The following BIRC3 variants were observed in gnomAD, a reference collection of about 807,000 sequenced individuals.
The protein encoded by BIRC3 is baculoviral IAP repeat containing 3.
In BIRC3, 26 loss-of-function variants were observed where a neutral mutation model predicts 59.0. The observed-to-expected ratio is 0.44, with a 90% CI of 0.32 to 0.61. The LOEUF is 0.61. BIRC3 is among the 20% of genes least tolerant of loss of function. BIRC3 has a pLI of 0.04. For synonymous variants in BIRC3, 243 were observed against 249.2 expected (o/e 0.98, Z 0.24); for missense variants, 641 against 711.5 (o/e 0.90, Z 1.13).
At chr11:102,330,934 C>T in intron 5 of BIRC3, 65 bp from the exon 6 acceptor site, 1 of 1,446,192 alleles carries the variant, frequency 6.9e-7, no homozygotes. Flanking sequence ...GATTTCATTT[C>T]AAATTTCAAT....
chr11:102,323,370 T>G lies in BIRC3; in HGVS notation c.-1140T>G. On this transcript the variant is annotated 5_prime_UTR_variant, in exon 2 of 9. Coordinates refer to ENST00000263464, the MANE Select transcript of BIRC3 (RefSeq NM_001165.5). ...TGGTAGTTTGGGCAGAGTCTCTTTT[T>G]GCAGCACCTGTTGTCTACCATAATT... The G allele has an allele frequency of 5.2e-6, 1 of 193,576 alleles. No individual in the cohort carries two copies. Among genetic ancestry groups the G allele is most frequent in the East Asian group, 8.1e-5 (1 of 12,282 alleles). 12.0% of individuals were successfully genotyped at this position (193,576 alleles called of 1,614,324 possible). A position where few individuals can be genotyped will look rare whatever the true frequency, so the allele number is the denominator to read the frequency against.
At chr11:102,326,012 A>G (rs1403750439) in intron 3 of BIRC3, among the ~76,000 whole-genome samples, 2 of 152,150 alleles carry the variant, frequency 1.3e-5, no homozygotes, top group East Asian at 3.8e-4. Flanking sequence ...ACCATTTTAC[A>G]TAAGTTAAAT....
rs147320536 is a variant in BIRC3 at position 102,328,081 on chromosome 11, A to G, written c.983A>G (p.Gln328Arg). The G allele has an allele frequency of 1.9e-6, 3 of 1,609,960 alleles. No individual in the cohort carries two copies. Among genetic ancestry groups the G allele is most frequent in the Non-Finnish European group, 2.5e-6 (3 of 1,178,740 alleles). The change falls in exon 4 of 9, where the codon CAG becomes CGG. Residue 328 changes from glutamine to arginine, a missense_variant. Gln to Arg is a conservative substitution (Grantham distance 43). Transcript: ENST00000263464. ...RCEYLIRIKG[Q>R]EFIRQVQASY... is the part of the protein sequence containing the mutation. Reference sequence around the variant, plus strand: ...GAGTACTTGATAAGAATTAAAGGACAGGAGTTCATCCGTCAAGTTCAAGCC... The same window carrying G: ...GAGTACTTGATAAGAATTAAAGGACGGGAGTTCATCCGTCAAGTTCAAGCC...
Position 102,337,815 on chromosome 11 carries a change from A to G in BIRC3, c.*713A>G, listed in dbSNP as rs1483149474. ...TCCATACCTTCTTAAAGCCTCTCAA[A>G]TATTGAACTACAGTTTATACTCCTT... On this transcript the variant is annotated 3_prime_UTR_variant, in exon 9 of 9. Coordinates refer to ENST00000263464, the MANE Select transcript of BIRC3 (RefSeq NM_001165.5). The G allele has an allele frequency of 3.0e-5, 7 of 232,680 alleles. No individual in the cohort carries two copies. In the East Asian group the frequency reaches 3.7e-4, roughly 12 times the overall value. 14.4% of individuals were successfully genotyped at this position (232,680 alleles called of 1,614,324 possible).
chr11:102,338,163 T>G lies in BIRC3; in HGVS notation c.*1061T>G, dbSNP rs1336478965. 2 of 228,438 alleles carry G rather than the reference T, an allele frequency of 8.8e-6. No homozygotes were observed. Among genetic ancestry groups the G allele is most frequent in the African/African-American group, 2.2e-5 (1 of 45,058 alleles). The allele number at this position is 228,438 out of a possible 1,614,324, so 14.2% of individuals were successfully genotyped here. ...AATGTCCCCCTCTGCATTATGTTAT[T>G]GGTACTCAACACGTCCGAGTCATAA... is the stretch of plus-strand genomic sequence containing the variant. On this transcript the variant is annotated 3_prime_UTR_variant, in exon 9 of 9. Coordinates refer to ENST00000263464, the MANE Select transcript of BIRC3 (RefSeq NM_001165.5).
intron 3 of BIRC3, 107 bp from the exon 4 acceptor site, chr11:102,327,945 C>A: frequency 1.3e-6 from 1 of 784,028 alleles, no homozygotes; most frequent in Non-Finnish European, 2.0e-6. Flanking sequence ...AGGCAAACAA[C>A]CAGATTTGAA....
At chr11:102,331,349 C>G in intron 6 of BIRC3, 108 bp downstream of exon 6, 1 of 1,192,400 alleles carries the variant, frequency 8.4e-7, no homozygotes. Flanking sequence ...TCAATCCAGT[C>G]AGGTTTTTTT....
At chr11:102,329,682 C>A (rs906253048) in intron 5 of BIRC3, among the ~76,000 whole-genome samples, 1 of 152,112 alleles carries the variant, frequency 6.6e-6, no homozygotes, top group African/African-American at 2.4e-5. Flanking sequence ...CAAACTATCA[C>A]AAGAACAGAA....
chr11:102,336,753 C>G lies in BIRC3; in HGVS notation c.1580-7C>G. 1 of 1,602,056 alleles carries G rather than the reference C, an allele frequency of 6.2e-7. No homozygotes were observed. The highest frequency in any genetic ancestry group is 8.5e-7 in the Non-Finnish European group (1 of 1,175,226). On this transcript the variant is annotated splice_region_variant and splice_polypyrimidine_tract_variant and intron_variant, in intron 7 of 8. Transcript: ENST00000263464. ...TCATAGTAATGCTTTTTCTTTTTCT[C>G]CCTTAGTGCAACAGGACATAAAATA...
Position 102,325,190 on chromosome 11 carries a change from A to G in BIRC3, c.681A>G (p.Arg227=), listed in dbSNP as rs772957630. 1 of 1,614,178 alleles carries G rather than the reference A, an allele frequency of 6.2e-7. No homozygotes were observed. Among genetic ancestry groups the G allele is most frequent in the Admixed American group, 1.7e-5 (1 of 60,010 alleles). Residue 227 remains arginine, a synonymous_variant, in exon 2 of 9, where the codon AGA becomes AGG. Coordinates refer to ENST00000263464, the MANE Select transcript of BIRC3 (RefSeq NM_001165.5). The part of the protein sequence containing the change: ...PKDNAMSEHL[R]HFPKCPFIEN... ...ATAATGCTATGTCAGAACACCTGAG[A>G]CATTTTCCCAAATGCCCATTTATAG...
Position 102,337,061 on chromosome 11 carries a change from A to G in BIRC3, c.1774A>G (p.Arg592Gly). 1 of 1,587,858 alleles carries G rather than the reference A, an allele frequency of 6.3e-7. No individual in the cohort carries two copies. The highest frequency in any genetic ancestry group is 8.5e-7 in the Non-Finnish European group (1 of 1,173,756). ...APSLRKCPIC[R>G]STIKGTVRTF... ...TTCTTTAAGAAAGTGTCCTATTTGTAGGAGTACAATCAAGGGTACAGTTCG... is the reference window on the plus strand; with the variant it reads ...TTCTTTAAGAAAGTGTCCTATTTGTGGGAGTACAATCAAGGGTACAGTTCG... The change falls in exon 9 of 9, where the codon AGG (arginine) becomes GGG (glycine). Residue 592 changes from arginine (R) to glycine (G), a missense_variant. By Grantham distance (125) the Arg-to-Gly change is moderately radical (BLOSUM62 -2). Coordinates refer to ENST00000263464, the MANE Select transcript of BIRC3 (RefSeq NM_001165.5).
At chr11:102,326,844 G>A in intron 3 of BIRC3, 1 of 449,794 alleles carries the variant, frequency 2.2e-6, no homozygotes, top group South Asian at 1.6e-5. Context: ...TAGTAGCTGG[G>A]ATTACAGGTG....
At chr11:102,333,067 T>C (rs1282488919) in intron 6 of BIRC3, among the ~76,000 whole-genome samples, 1 of 152,170 alleles carries the variant, frequency 6.6e-6, no homozygotes, top group Non-Finnish European at 1.5e-5. Flanking sequence ...ATATAATAAT[T>C]TACATTGTGA....
intron 1 of BIRC3, among the ~76,000 whole-genome samples, chr11:102,319,278 C>G (rs1317969242): frequency 6.6e-6 from 1 of 151,868 alleles, no homozygotes; most frequent in Non-Finnish European, 1.5e-5. Context: ...AGTCTCCTGA[C>G]CTCGTGATCC....
Position 102,322,993 on chromosome 11 carries a change from AC to A in BIRC3, c.-1515del. 1 of 201,626 alleles carries A rather than the reference AC, an allele frequency of 5.0e-6. No individual in the cohort carries two copies. The highest frequency in any genetic ancestry group is 1.0e-5 in the Non-Finnish European group (1 of 98,034). 12.5% of individuals were successfully genotyped at this position (201,626 alleles called of 1,614,324 possible). On this transcript the variant is annotated 5_prime_UTR_variant, in exon 2 of 9. The change abolishes the stop of an existing upstream ORF in the 5' untranslated region. Coordinates refer to ENST00000263464, the MANE Select transcript of BIRC3 (RefSeq NM_001165.5). ...TATGCTATCCATGAAATAATTTCTG[AC>A]CAAAACTAAATTGATGCAATTTGAT...
Position 102,337,899 on chromosome 11 carries a change from C to T in BIRC3, c.*797C>T. 1 of 228,282 alleles carries T rather than the reference C, an allele frequency of 4.4e-6. No individual in the cohort carries two copies. Among genetic ancestry groups the T allele is most frequent in the Non-Finnish European group, 8.7e-6 (1 of 115,000 alleles). 14.1% of individuals were successfully genotyped at this position (228,282 alleles called of 1,614,324 possible). On this transcript the variant is annotated 3_prime_UTR_variant, in exon 9 of 9. Coordinates refer to ENST00000263464, the MANE Select transcript of BIRC3 (RefSeq NM_001165.5). ...ACACGGGGTCAACACATCATAAAAT[C>T]TATTATGGAATGCCTGAGACAAGAA...
In BIRC3 at chr11:102,338,100, C is replaced by T. The variant is rs1951216596; in HGVS notation, c.*998C>T. Reference sequence around the variant, plus strand: ...CAATGCTTGGGACCAACAGGTTGTTCTGGTAAATAAATCTGTTTCATATTG... The same window carrying T: ...CAATGCTTGGGACCAACAGGTTGTTTTGGTAAATAAATCTGTTTCATATTG... On this transcript the variant is annotated 3_prime_UTR_variant, in exon 9 of 9. Transcript: ENST00000263464. The T allele has an allele frequency of 4.4e-6, 1 of 228,236 alleles. No individual in the cohort carries two copies. Among genetic ancestry groups the T allele is most frequent in the South Asian group, 1.8e-4 (1 of 5,496 alleles). The allele number at this position is 228,236 out of a possible 1,614,324, so 14.1% of individuals were successfully genotyped here.
intron 1 of BIRC3, among the ~76,000 whole-genome samples, chr11:102,321,222 A>G (rs1951027741): frequency 6.6e-6 from 1 of 152,190 alleles, no homozygotes; most frequent in Admixed American, 6.5e-5. Flanking sequence ...TGCAGAAACT[A>G]TTATTTTTGT....
At chr11:102,329,279 T>C (rs1447689608) in intron 5 of BIRC3, among the ~76,000 whole-genome samples, 1 of 152,188 alleles carries the variant, frequency 6.6e-6, no homozygotes, top group African/African-American at 2.4e-5. Flanking sequence ...AGATGTACTA[T>C]GATATTAGAT....
Sources: gnomAD v4.1 joint callset for allele counts (sites outside exome capture counted in the v4.1 genomes callset) on GRCh38, gnomAD v4.1.1 for gene constraint, MANE v1.5 for transcripts, NCBI Gene and HGNC (gene_info 2026-07-23, HGNC 2026-07-21) for gene names.